The following NEBL variants were observed in gnomAD, a reference collection of about 807,000 sequenced individuals.
NEBL encodes nebulette.
Under a neutral mutation model 140.2 loss-of-function variants are expected in NEBL, and 122 were observed. The ratio of observed to expected loss-of-function variants is 0.87; its 90% confidence interval spans 0.75 to 1.01. The LOEUF is 1.01. Among genes scored for constraint, NEBL ranks in the 50% least tolerant of loss-of-function variants. The pLI is 0.00. For synonymous variants in NEBL, 436 were observed against 398.9 expected, an observed-to-expected ratio of 1.09 and a Z score of -1.11; for missense variants, 1,365 against 1,231.3, an observed-to-expected ratio of 1.11 and a Z score of -1.62.
chr10:21,020,090 G>A (rs1838725942), intron 3 of NEBL: 1 of 1,586,060 alleles, frequency 6.3e-7, no homozygotes, highest in Non-Finnish European at 8.7e-7. Context: ...AGGGCCAAGG[G>A]AACAAAACAA....
intron 2 of NEBL, among the ~76,000 whole-genome samples, chr10:21,124,143 A>C (rs2132051297): frequency 6.6e-6 from 1 of 152,320 alleles, no homozygotes; most frequent in South Asian, 2.1e-4. Flanking sequence ...CTAGACCAAC[A>C]TAAATTCATT....
intron 2 of NEBL, chr10:21,030,759 A>C: frequency 2.3e-6 from 1 of 429,912 alleles, no homozygotes; most frequent in South Asian, 1.9e-5. Context: ...AAGATGGCAA[A>C]AAGGAGCATG....
chr10:21,120,393 C>CAT (rs1201775144), intron 2 of NEBL, among the ~76,000 whole-genome samples: 7,070 of 59,400 alleles, frequency 0.12, 492 homozygotes, highest in East Asian at 0.14. Context: ...AAAAAAAATA[C>CAT]ATATATATAT....
intron 3 of NEBL, among the ~76,000 whole-genome samples, chr10:20,986,399 C>T (rs1837260455): frequency 6.6e-6 from 1 of 152,184 alleles, no homozygotes; most frequent in Admixed American, 6.5e-5. Context: ...CAACTCTTCG[C>T]TTCCCTTCAA....
Position 21,246,698 on chromosome 10 carries a change from G to A in NEBL, n.348+1223C>T, listed in dbSNP as rs1272080402. 3.3e-5 allele frequency among the ~76,000 whole-genome samples: 5 copies of A among 152,062 alleles called. No homozygotes were observed. In the South Asian group the frequency reaches 6.2e-4, roughly 19 times the overall value. On this transcript the variant is annotated intron_variant and non_coding_transcript_variant, in intron 3 of 8. Transcript: ENST00000675702. ...TAAAATAAAAAAATCATCGAGCGTG[G>A]TGGTGCATGCCTGTAGTTCCAGCTG...
chr10:21,198,343 G>A (rs891181420), intron 3 of NEBL, among the ~76,000 whole-genome samples: 1 of 152,116 alleles, frequency 6.6e-6, no homozygotes, highest in South Asian at 2.1e-4. Flanking sequence ...AGGAAGTGTG[G>A]AACTGTCATT....
chr10:21,088,459 G>T (rs1554823917), intron 2 of NEBL, among the ~76,000 whole-genome samples: 1 of 152,122 alleles, frequency 6.6e-6, no homozygotes, highest in Non-Finnish European at 1.5e-5. Flanking sequence ...ACTCCAACCT[G>T]GTTGTCACGG....
At chr10:21,148,971 G>A (rs1307213143) in intron 2 of NEBL, among the ~76,000 whole-genome samples, 2 of 152,208 alleles carry the variant, frequency 1.3e-5, no homozygotes, top group African/African-American at 4.8e-5. Context: ...CATTTCAGAA[G>A]GGGTCCTGCC....
intron 2 of NEBL, among the ~76,000 whole-genome samples, chr10:20,891,837 A>C (rs1225860298): frequency 1.3e-5 from 2 of 152,176 alleles, no homozygotes; most frequent in African/African-American, 4.8e-5. Context: ...TTTCAAGTGA[A>C]TTGTGCAATA....
intron 1 of NEBL, among the ~76,000 whole-genome samples, chr10:21,259,892 G>A (rs951322518): frequency 6.6e-6 from 1 of 152,192 alleles, no homozygotes; most frequent in Non-Finnish European, 1.5e-5. Flanking sequence ...TCATGTTTGA[G>A]TGGCGGAGGA....
intron 4 of NEBL, among the ~76,000 whole-genome samples, chr10:20,943,278 C>A (rs80318171): frequency 6.6e-6 from 1 of 152,146 alleles, no homozygotes; most frequent in Non-Finnish European, 1.5e-5. Context: ...GATGAGTTCA[C>A]GTCCTTTGTA....
chr10:21,285,797 C>T (rs1041410460), intron 1 of NEBL, among the ~76,000 whole-genome samples: 1 of 152,168 alleles, frequency 6.6e-6, no homozygotes, highest in African/African-American at 2.4e-5. Flanking sequence ...ATCACTAAAG[C>T]AAAGGAGTCA....
At chr10:21,147,396 G>GTTTT (rs575290796) in intron 2 of NEBL, among the ~76,000 whole-genome samples, 1 of 131,326 alleles carries the variant, frequency 7.6e-6, no homozygotes, top group African/African-American at 2.8e-5. Context: ...TTCTCCTCCG[G>GTTTT]TTTTTTTTTT....
intron 3 of NEBL, among the ~76,000 whole-genome samples, chr10:21,006,853 C>T (rs1311972819): frequency 4.6e-5 from 7 of 152,136 alleles, no homozygotes; most frequent in Non-Finnish European, 1.0e-4. Context: ...AGCAATCAAA[C>T]CATTTTCGAT....
Position 21,199,487 on chromosome 10 carries a change from C to T in NEBL, n.349-27010G>A, listed in dbSNP as rs189144937. ...GTGGCATATCTGAATTCTTCCTATT[C>T]AAGTGGAAGCCCCCTTAAATGTATG... On this transcript the variant is annotated intron_variant and non_coding_transcript_variant, in intron 3 of 8. Coordinates refer to the NEBL transcript ENST00000675702. Among the ~76,000 whole-genome samples the T allele has an allele frequency of 5.4e-3, 827 of 152,254 alleles. 3 individuals are homozygous for T. The highest frequency in any genetic ancestry group is 0.027 in the Middle Eastern group (8 of 294).
rs117651577 is a variant in NEBL, at chr10:20,929,556, C to A, written c.357+32116G>T. 7.5e-4 allele frequency among the ~76,000 whole-genome samples: 114 copies of A among 152,252 alleles called. No individual in the cohort carries two copies. In the East Asian group the frequency reaches 0.022, roughly 29 times the overall value. On this transcript the variant is annotated intron_variant, in intron 4 of 6. Transcript: ENST00000417816. ...GCATCTATGTATACATATACACATA[C>A]ACCATGGAATACTACTCAGAGAAAG...
Position 21,173,788 on chromosome 10 carries a change from C to T in NEBL, c.46G>A (p.Glu16Lys). The stretch of plus-strand genomic sequence containing the variant: ...ACCTTATCCAGGCAGTTGACTTTCT[C>T]GGTGGGATACACGACTTTTCCGCAA... The change falls in exon 1 of 7, where the codon GAG becomes AAG. Residue 16 changes from glutamate (E) to lysine (K), a missense_variant. Coordinates refer to the NEBL transcript ENST00000417816. The surrounding 1 kb of genome is among the most constrained non-coding windows in gnomAD (Gnocchi z 5.7). 6.2e-7 allele frequency: 1 copy of T among 1,613,054 alleles called. No individual in the cohort carries two copies. Among genetic ancestry groups the T allele is most frequent in the Non-Finnish European group, 8.5e-7 (1 of 1,179,846 alleles).
At chr10:20,898,962 G>A (rs1023693054), upstream of NEBL, among the ~76,000 whole-genome samples, 7 of 152,104 alleles carry the variant, frequency 4.6e-5, no homozygotes, top group African/African-American at 1.4e-4. Flanking sequence ...TAAATTAATG[G>A]TATCACATAT....
At chr10:21,082,747 T>C (rs773839312) in intron 2 of NEBL, among the ~76,000 whole-genome samples, 17 of 144,960 alleles carry the variant, frequency 1.2e-4, no homozygotes, top group Non-Finnish European at 1.9e-4. Flanking sequence ...TTATGGGATA[T>C]GCAGGAGGGA....
Sources: gnomAD v4.1 joint callset for allele counts (sites outside exome capture counted in the v4.1 genomes callset) on GRCh38, gnomAD v4.1.1 for gene constraint, Gnocchi (gnomAD v3.1) non-coding constraint, MANE v1.5 for transcripts, NCBI Gene and HGNC (gene_info 2026-07-23, HGNC 2026-07-21) for gene names.